Variants in ARRB1 observed in about 807,000 individuals in gnomAD.
ARRB1 encodes the protein beta-arrestin-1.
In ARRB1, 21 loss-of-function variants were observed where a neutral mutation model predicts 56.8. The observed-to-expected ratio is 0.37, with a 90% CI of 0.26 to 0.53. The LOEUF is 0.53. ARRB1 is among the 20% of genes least tolerant of loss of function. The pLI is 0.88. For missense variants in ARRB1, 424 were observed against 553.7 expected (o/e 0.77, Z 2.35); for synonymous variants, 210 against 218.6 (o/e 0.96, Z 0.35).
chr11:75,333,740 G>A (rs1383694946), intron 1 of ARRB1, among the ~76,000 whole-genome samples: 2 of 152,202 alleles, frequency 1.3e-5, no homozygotes, highest in East Asian at 3.8e-4. Flanking sequence ...ATAACAAGCA[G>A]TAGGGGTGGG....
chr11:75,271,458 C>T, intron 13 of ARRB1: 2 of 433,184 alleles, frequency 4.6e-6, no homozygotes, highest in South Asian at 4.9e-5. Flanking sequence ...GGGGGCCACT[C>T]CCTGTATCAG....
intron 13 of ARRB1, chr11:75,269,206 TC>T: frequency 1.4e-6 from 1 of 715,598 alleles, no homozygotes; most frequent in Non-Finnish European, 2.6e-6. Context: ...CTCTCTGGGT[TC>T]CCACGGGCTG....
chr11:75,304,534 T>G (rs1346347205), intron 1 of ARRB1, among the ~76,000 whole-genome samples: 1 of 152,070 alleles, frequency 6.6e-6, no homozygotes, highest in Non-Finnish European at 1.5e-5. Flanking sequence ...TTTTTAAGAA[T>G]TTTGTGAGGT....
At chr11:75,333,728 G>A (rs1947555379) in intron 1 of ARRB1, among the ~76,000 whole-genome samples, 2 of 152,162 alleles carry the variant, frequency 1.3e-5, no homozygotes, top group Admixed American at 1.3e-4. Context: ...TAGGTCACAG[G>A]CATAACAAGC....
chr11:75,330,131 C>T (rs1470745941), intron 1 of ARRB1, among the ~76,000 whole-genome samples: 1 of 152,236 alleles, frequency 6.6e-6, no homozygotes, highest in Non-Finnish European at 1.5e-5. Flanking sequence ...TCTAGCCTCT[C>T]TCTTCTAGTC....
intron 1 of ARRB1, among the ~76,000 whole-genome samples, chr11:75,344,939 C>T (rs909341439): frequency 6.6e-6 from 1 of 152,198 alleles, no homozygotes; most frequent in Admixed American, 6.5e-5. Flanking sequence ...CATACACGGG[C>T]TGTTGAACCA....
chr11:75,307,436 TG>T (rs1947057353), intron 1 of ARRB1, among the ~76,000 whole-genome samples: 1 of 152,076 alleles, frequency 6.6e-6, no homozygotes, highest in Non-Finnish European at 1.5e-5. Context: ...ATGGAGGCCA[TG>T]CTTCATTCCT....
intron 7 of ARRB1, among the ~76,000 whole-genome samples, chr11:75,279,086 G>T (rs1946267993): frequency 6.6e-6 from 1 of 152,202 alleles, no homozygotes; most frequent in African/African-American, 2.4e-5. Flanking sequence ...TACACAAATA[G>T]TGTCCCTCTG....
chr11:75,314,377 C>CG (rs1353395237), intron 1 of ARRB1, among the ~76,000 whole-genome samples: 1 of 152,172 alleles, frequency 6.6e-6, no homozygotes, highest in Non-Finnish European at 1.5e-5. Flanking sequence ...AGGGATGCCC[C>CG]CCCTCCAGCA....
chr11:75,277,386 C>A lies in ARRB1; in HGVS notation c.681G>T (p.Thr227=). ...TACCTGAGATCTTGATCTTCTTCAC[C>A]GTCTTGTTGGTGTTGTTGGTGACGT... is the stretch of plus-strand genomic sequence containing the variant. ...NVHVTNNTNK[T]VKKIKISVRQ... Residue 227 remains threonine (T), a synonymous_variant, in exon 9 of 16, where the codon ACG becomes ACT. Coordinates refer to ENST00000420843, the MANE Select transcript of ARRB1 (RefSeq NM_004041.5). 1 of 1,614,186 alleles carries A rather than the reference C, an allele frequency of 6.2e-7. No homozygotes were observed. The highest frequency in any genetic ancestry group is 1.1e-5 in the South Asian group (1 of 91,088).
At chr11:75,286,370 C>T (rs1314744985) in intron 3 of ARRB1, among the ~76,000 whole-genome samples, 6 of 143,496 alleles carry the variant, frequency 4.2e-5, no homozygotes, top group South Asian at 4.6e-4. Flanking sequence ...TGGGTTCAAG[C>T]GATTCTCATG....
At chr11:75,300,966 T>C (rs1307340786) in intron 1 of ARRB1, among the ~76,000 whole-genome samples, 4 of 62,408 alleles carry the variant, frequency 6.4e-5, no homozygotes, top group African/African-American at 2.2e-4. Flanking sequence ...AGACTCCGTC[T>C]CAAAAAAAAA....
intron 1 of ARRB1, among the ~76,000 whole-genome samples, chr11:75,336,434 C>T (rs552125398): frequency 4.6e-5 from 7 of 152,114 alleles, no homozygotes; most frequent in African/African-American, 7.2e-5. Context: ...CTCCTCTCAG[C>T]GCCCAAGGCA....
intron 1 of ARRB1, among the ~76,000 whole-genome samples, chr11:75,326,425 A>C (rs2140501501): frequency 6.6e-6 from 1 of 152,368 alleles, no homozygotes; most frequent in African/African-American, 2.4e-5. Context: ...TAATGGAAAC[A>C]TTAAGATTCC....
At chr11:75,269,275 C>A in intron 13 of ARRB1, 8 of 540,202 alleles carry the variant, frequency 1.5e-5, no homozygotes, top group Admixed American at 2.3e-5. Flanking sequence ...GTGGTCACTG[C>A]GGGGCTCCAG....
chr11:75,286,251 T>C (rs1200575615), intron 3 of ARRB1, among the ~76,000 whole-genome samples: 2 of 130,440 alleles, frequency 1.5e-5, no homozygotes, highest in African/African-American at 5.7e-5. Context: ...TTTGATTTGC[T>C]CATCTTTTTT....
chr11:75,312,129 C>A, intron 1 of ARRB1: 1 of 1,289,450 alleles, frequency 7.8e-7, no homozygotes, highest in Non-Finnish European at 1.0e-6. Context: ...GTGGCTGCTG[C>A]TGGCCTCTCC....
At chr11:75,345,745 T>C (rs1947757807) in intron 1 of ARRB1, among the ~76,000 whole-genome samples, 1 of 152,156 alleles carries the variant, frequency 6.6e-6, no homozygotes, top group African/African-American at 2.4e-5. Flanking sequence ...CCCACCCCTC[T>C]CTTTTGAGAA....
In ARRB1 at chr11:75,297,973, C is replaced by T. The variant is rs1162788428; in HGVS notation, c.21-7934G>A. 3.1e-4 allele frequency among the ~76,000 whole-genome samples: 46 copies of T among 149,680 alleles called. 1 individual carries two copies. Among genetic ancestry groups the T allele is most frequent in the Non-Finnish European group, 1.0e-4 (7 of 67,684 alleles). On this transcript the variant is annotated intron_variant, in intron 1 of 15. Coordinates refer to ENST00000420843, the MANE Select transcript of ARRB1 (RefSeq NM_004041.5). ...AAACGTTAAGTGTAAGTCTTCATGACCTTGGGTTAAGCAATGGTTTCTTAG... is the reference window on the plus strand; with the variant it reads ...AAACGTTAAGTGTAAGTCTTCATGATCTTGGGTTAAGCAATGGTTTCTTAG...
Sources: allele counts gnomAD v4.1 joint callset (sites outside exome capture counted in the v4.1 genomes callset), GRCh38; gene constraint gnomAD v4.1.1; transcripts MANE v1.5; gene names NCBI Gene and HGNC (gene_info 2026-07-23, HGNC 2026-07-21).